PTPRM: variants seen among roughly 807,000 people sequenced by gnomAD.
The protein encoded by PTPRM is protein tyrosine phosphatase receptor type M, also known as receptor-type tyrosine-protein phosphatase mu.
A neutral mutation model predicts 186.7 loss-of-function variants in PTPRM; 47 were observed. The observed-to-expected ratio is 0.25, with a 90% CI of 0.20 to 0.32. The LOEUF is 0.32. PTPRM is among the 10% of genes least tolerant of loss of function. The pLI, the probability that PTPRM is intolerant of heterozygous loss-of-function variation, is 1.00. For synonymous variants in PTPRM, 668 were observed against 674.9 expected, an observed-to-expected ratio of 0.99 and a Z score of 0.16; for missense variants, 1,494 against 1,865.0, an observed-to-expected ratio of 0.80 and a Z score of 3.66.
At chr18:8,328,223 G>A (rs2095390143) in intron 22 of PTPRM, among the ~76,000 whole-genome samples, 4 of 152,210 alleles carry the variant, frequency 2.6e-5, no homozygotes, top group Admixed American at 2.6e-4. Flanking sequence ...TGCTTTGAAT[G>A]CTGCACTCAC....
intron 13 of PTPRM, among the ~76,000 whole-genome samples, chr18:8,118,368 A>G (rs2092035621): frequency 6.6e-6 from 1 of 152,168 alleles, no homozygotes; most frequent in Non-Finnish European, 1.5e-5. Context: ...GCAGTCATAT[A>G]TGTTAATTTG....
chr18:7,903,281 G>T (rs2049797895), intron 3 of PTPRM, among the ~76,000 whole-genome samples: 1 of 152,180 alleles, frequency 6.6e-6, no homozygotes, highest in South Asian at 2.1e-4. Context: ...GAACATTTCT[G>T]CGTTTGGTTT....
intron 1 of PTPRM, among the ~76,000 whole-genome samples, chr18:7,704,975 A>T (rs983396490): frequency 2.0e-5 from 3 of 152,120 alleles, no homozygotes; most frequent in Admixed American, 6.6e-5. Flanking sequence ...TAGTTTCACT[A>T]TGTGATATAT....
chr18:7,943,718 A>T (rs2052342898), intron 5 of PTPRM, among the ~76,000 whole-genome samples: 1 of 152,018 alleles, frequency 6.6e-6, no homozygotes, highest in Non-Finnish European at 1.5e-5. Context: ...CCCTCCTCAC[A>T]CTTCAGAGCC....
intron 14 of PTPRM, among the ~76,000 whole-genome samples, chr18:8,223,814 G>A (rs2094182728): frequency 6.6e-6 from 1 of 152,178 alleles, no homozygotes; most frequent in African/African-American, 2.4e-5. Flanking sequence ...AGTGATAGGT[G>A]TTTGAGAAAT....
intron 24 of PTPRM, 44 bp downstream of exon 24, chr18:8,371,050 T>C: frequency 2.4e-6 from 3 of 1,236,246 alleles, no homozygotes; most frequent in Non-Finnish European, 2.4e-6. Flanking sequence ...CAGACACTAG[T>C]GGTACCATAC....
At chr18:8,333,910 T>C (rs2095424947) in intron 22 of PTPRM, among the ~76,000 whole-genome samples, 1 of 152,186 alleles carries the variant, frequency 6.6e-6, no homozygotes, top group Non-Finnish European at 1.5e-5. Context: ...ACAAACATTC[T>C]GGTGATGCGC....
At chr18:7,686,544 A>G (rs1475091815) in intron 1 of PTPRM, among the ~76,000 whole-genome samples, 1 of 151,714 alleles carries the variant, frequency 6.6e-6, no homozygotes, top group East Asian at 1.9e-4. Context: ...GGGTCCATTT[A>G]GCATATCATG....
intron 2 of PTPRM, among the ~76,000 whole-genome samples, chr18:7,812,677 C>A (rs1272263218): frequency 2.0e-5 from 3 of 151,800 alleles, no homozygotes; most frequent in African/African-American, 7.3e-5. Flanking sequence ...AAAATATCTA[C>A]TTGCCAACTT....
chr18:8,247,024 C>T (rs892895129), intron 15 of PTPRM, among the ~76,000 whole-genome samples: 4 of 152,180 alleles, frequency 2.6e-5, no homozygotes, highest in South Asian at 2.1e-4. Context: ...TAAGTTTAAC[C>T]ACCTTGAGCA....
At chr18:8,133,393 G>A (rs1310847714) in intron 13 of PTPRM, among the ~76,000 whole-genome samples, 2 of 152,168 alleles carry the variant, frequency 1.3e-5, no homozygotes, top group East Asian at 3.8e-4. Flanking sequence ...CCACAAAGAT[G>A]AGTAAGACTA....
intron 2 of PTPRM, among the ~76,000 whole-genome samples, chr18:7,827,330 G>A (rs367865464): frequency 1.5e-4 from 23 of 152,088 alleles, no homozygotes; most frequent in African/African-American, 5.3e-4. Context: ...CTGTCGAATC[G>A]ATTTCATTAA....
chr18:8,363,466 C>T (rs1312627151), intron 23 of PTPRM, among the ~76,000 whole-genome samples: 1 of 152,168 alleles, frequency 6.6e-6, no homozygotes, highest in Admixed American at 6.5e-5. Flanking sequence ...TCATGTACCA[C>T]TCTAAGAAAT....
At chr18:8,359,838 G>A (rs1352106910) in intron 23 of PTPRM, among the ~76,000 whole-genome samples, 3 of 152,218 alleles carry the variant, frequency 2.0e-5, no homozygotes, top group Non-Finnish European at 4.4e-5. Context: ...TTCTGCTCAC[G>A]AGCCCTTGAA....
At chr18:8,182,074 T>C (rs925070659) in intron 14 of PTPRM, among the ~76,000 whole-genome samples, 3 of 152,180 alleles carry the variant, frequency 2.0e-5, no homozygotes, top group African/African-American at 7.2e-5. Context: ...TATTGTACCA[T>C]GAAAGGAAAC....
At chr18:7,977,196 TCTC>T (rs1440066129) in intron 7 of PTPRM, among the ~76,000 whole-genome samples, 1 of 152,060 alleles carries the variant, frequency 6.6e-6, no homozygotes, top group Non-Finnish European at 1.5e-5. Context: ...ATCAAGTAAT[TCTC>T]CTGCCTCAGC....
intron 19 of PTPRM, among the ~76,000 whole-genome samples, chr18:8,255,105 C>T (rs1197369634): frequency 6.6e-6 from 1 of 152,152 alleles, no homozygotes; most frequent in Non-Finnish European, 1.5e-5. Flanking sequence ...TAAAGTCTAG[C>T]TTAGGAATTA....
intron 2 of PTPRM, among the ~76,000 whole-genome samples, chr18:7,883,040 G>C (rs2048587381): frequency 1.3e-5 from 2 of 152,160 alleles, no homozygotes; most frequent in Non-Finnish European, 2.9e-5. Flanking sequence ...AAGCTTCTAA[G>C]TCTGCATCTA....
intron 19 of PTPRM, among the ~76,000 whole-genome samples, chr18:8,265,319 G>A (rs549077054): frequency 1.9e-4 from 29 of 152,324 alleles, no homozygotes; most frequent in African/African-American, 7.0e-4. Context: ...TCATTCTGAA[G>A]ATATCCGCCA....
Sources: gnomAD v4.1 joint callset for allele counts (sites outside exome capture counted in the v4.1 genomes callset) on GRCh38, gnomAD v4.1.1 for gene constraint, MANE v1.5 for transcripts, NCBI Gene and HGNC (gene_info 2026-07-23, HGNC 2026-07-21) for gene names.